Variants in SSX3 observed in about 807,000 individuals in gnomAD.
SSX3 encodes protein SSX3.
A neutral mutation model predicts 14.8 loss-of-function variants in SSX3; 6 were observed. That is an observed-to-expected ratio of 0.41 (90% CI 0.22 to 0.80). The LOEUF (loss-of-function observed/expected upper bound fraction) is 0.80. SSX3 is among the 30% of genes least tolerant of loss of function. SSX3 has a pLI of 0.34. For synonymous variants in SSX3, 55 were observed against 52.9 expected (o/e 1.04, Z -0.18); for missense variants, 163 against 152.2 (o/e 1.07, Z -0.37).
Position 48,346,830 on chromosome X carries a change from A to T in SSX3, c.*210T>A. ...CAGTGAAAATGTTAATATCTAACAGAATGACACACTTCAAGAAAATACAAT... is the reference window on the plus strand; with the variant it reads ...CAGTGAAAATGTTAATATCTAACAGTATGACACACTTCAAGAAAATACAAT... On this transcript the variant is annotated 3_prime_UTR_variant, in exon 8 of 8. Coordinates refer to ENST00000298396, the MANE Select transcript of SSX3 (RefSeq NM_021014.4). The T allele has an allele frequency of 7.6e-6, 5 of 657,676 alleles. No individual in the cohort carries two copies. The highest frequency in any genetic ancestry group is 1.2e-5 in the Non-Finnish European group (5 of 428,455). 54.2% of individuals were successfully genotyped at this position (657,676 alleles called of 1,213,427 possible).
At chrX:48,351,005 G>T (rs2061260455) in intron 5 of SSX3, among the ~76,000 whole-genome samples, 1 of 109,968 alleles carries the variant, frequency 9.1e-6, no homozygotes, top group Non-Finnish European at 1.9e-5. Flanking sequence ...TCCTGACCTT[G>T]TGATCTGCCC....
At chrX:48,350,708 C>A (rs1452010266) in intron 5 of SSX3, among the ~76,000 whole-genome samples, 2 of 110,762 alleles carry the variant, frequency 1.8e-5, no homozygotes, top group Non-Finnish European at 3.8e-5. Flanking sequence ...GAGGTGGTAC[C>A]CATACCAATT....
chrX:48,346,827 C>A lies in SSX3; in HGVS notation c.*213G>T. On this transcript the variant is annotated 3_prime_UTR_variant, in exon 8 of 8. Transcript: ENST00000298396. ...CATCAGTGAAAATGTTAATATCTAA[C>A]AGAATGACACACTTCAAGAAAATAC... 3.1e-6 allele frequency: 2 copies of A among 643,789 alleles called. No individual in the cohort carries two copies. The highest frequency in any genetic ancestry group is 2.4e-6 in the Non-Finnish European group (1 of 419,420). The allele number at this position is 643,789 out of a possible 1,213,427, so 53.1% of individuals were successfully genotyped here. A position where few individuals can be genotyped will look rare whatever the true frequency, so the allele number is the denominator to read the frequency against.
At chrX:48,350,154 A>T in intron 5 of SSX3, 32 bp from the exon 6 acceptor site, 2 of 1,208,750 alleles carry the variant, frequency 1.7e-6, no homozygotes, top group Non-Finnish European at 1.1e-6. Context: ...GATAAATAGT[A>T]TCAGTGACAT....
rs12688751 is a variant in SSX3, at chrX:48,347,396, T to C, written c.*4+104A>G. 143,405 of 1,119,049 alleles carry C rather than the reference T, an allele frequency of 0.13. 8,193 individuals are homozygous for C. Among genetic ancestry groups the C allele is most frequent in the East Asian group, 0.38 (12,683 of 33,213 alleles). 92.2% of individuals were successfully genotyped at this position (1,119,049 alleles called of 1,213,427 possible). A position where few individuals can be genotyped will look rare whatever the true frequency, so the allele number is the denominator to read the frequency against. ...CTCAATGCTGTACACTAGAAAATTA[T>C]AAGAAGGGAATGATTTGGGGAGCAA... On this transcript the variant is annotated intron_variant, in intron 7 of 7. Transcript: ENST00000298396.
intron 1 of SSX3, among the ~76,000 whole-genome samples, chrX:48,356,240 A>C (rs782573334): frequency 1.8e-5 from 2 of 111,709 alleles, no homozygotes; most frequent in East Asian, 5.6e-4. Flanking sequence ...TGAGCCCAGC[A>C]GGAAAGATTT....
chrX:48,351,770 C>T (rs1166700620), intron 5 of SSX3, among the ~76,000 whole-genome samples: 1 of 112,087 alleles, frequency 8.9e-6, no homozygotes, highest in Non-Finnish European at 1.9e-5. Flanking sequence ...AAGATTTGTG[C>T]CAAGTCATAT....
chrX:48,354,285 CAAA>C (rs370532904), intron 3 of SSX3, among the ~76,000 whole-genome samples, 191 bp from the exon 4 acceptor site: 1 of 40,033 alleles, frequency 2.5e-5, no homozygotes. Context: ...CTGACTCAAA[CAAA>C]AAAAAAAAAA....
At chrX:48,355,112 C>G (rs1246339609) in intron 2 of SSX3, 69 bp downstream of exon 2, 10 of 1,201,661 alleles carry the variant, frequency 8.3e-6, no homozygotes, top group Non-Finnish European at 1.1e-5. Flanking sequence ...CTGTCCTCCC[C>G]TCCTCAGAAA....
chrX:48,348,354 T>C (rs1478910907), intron 6 of SSX3: 13 of 515,862 alleles, frequency 2.5e-5, no homozygotes, highest in Non-Finnish European at 3.5e-5. Flanking sequence ...CCATAGAATA[T>C]GACAAACTTA....
intron 1 of SSX3, among the ~76,000 whole-genome samples, chrX:48,356,359 C>A (rs5906650): frequency 0.29 from 31,888 of 109,434 alleles, 3,534 homozygotes; most frequent in Middle Eastern, 0.4. Context: ...GGCAATCCAC[C>A]AGCTGTGGCT....
intron 1 of SSX3, among the ~76,000 whole-genome samples, chrX:48,356,365 T>C (rs1461333819): frequency 2.7e-5 from 3 of 110,627 alleles, no homozygotes; most frequent in Non-Finnish European, 5.7e-5. Context: ...CCACCAGCTG[T>C]GGCTTCCAAA....
In SSX3 at chrX:48,353,988, C is replaced by A. The variant is rs1556950412; in HGVS notation, c.280+11G>T. 8.3e-7 allele frequency: 1 copy of A among 1,203,045 alleles called. No homozygotes were observed. Among genetic ancestry groups the A allele is most frequent in the South Asian group, 1.8e-5 (1 of 56,771 alleles). On this transcript the variant is annotated intron_variant, in intron 4 of 7. Transcript: ENST00000298396. ...GAGGAGACCCTTTCCAGCCCCTTCC[C>A]ATCTACTCACCCTGATTCCCACGGT... is the stretch of plus-strand genomic sequence containing the variant.
chrX:48,353,224 A>C (rs1364272655), intron 4 of SSX3, among the ~76,000 whole-genome samples: 1 of 110,683 alleles, frequency 9.0e-6, no homozygotes, highest in East Asian at 2.8e-4. Context: ...AAAAAGAAAT[A>C]TTTCAAACAC....
At chrX:48,354,491 A>G in intron 3 of SSX3, 141 bp downstream of exon 3, 2 of 683,896 alleles carry the variant, frequency 2.9e-6, no homozygotes, top group East Asian at 7.3e-5. Flanking sequence ...AGAAGAGCAG[A>G]ACACCCAGAA....
intron 6 of SSX3, 67 bp downstream of exon 6, chrX:48,349,920 C>T: frequency 8.3e-7 from 1 of 1,204,112 alleles, no homozygotes; most frequent in Non-Finnish European, 1.1e-6. Context: ...ATGCCACACA[C>T]CCAGTCCACA....
intron 1 of SSX3, 32 bp from the exon 2 acceptor site, chrX:48,355,301 C>G: frequency 8.5e-7 from 1 of 1,173,820 alleles, no homozygotes; most frequent in South Asian, 1.8e-5. Flanking sequence ...ACTTTCCAGC[C>G]GCAGGACCTT....
At chrX:48,355,102 C>T in intron 2 of SSX3, 79 bp downstream of exon 2, 1 of 1,202,598 alleles carries the variant, frequency 8.3e-7, no homozygotes, top group Non-Finnish European at 1.1e-6. Context: ...TCCAGTATCT[C>T]TGTCCTCCCC....
chrX:48,355,622 C>A (rs1317196811), intron 1 of SSX3, among the ~76,000 whole-genome samples: 1 of 110,757 alleles, frequency 9.0e-6, no homozygotes, highest in African/African-American at 3.3e-5. Context: ...TAATTTTATT[C>A]AGTGGGGCAT....
Sources: gnomAD v4.1 joint callset for allele counts (sites outside exome capture counted in the v4.1 genomes callset) on GRCh38, gnomAD v4.1.1 for gene constraint, MANE v1.5 for transcripts, NCBI Gene and HGNC (gene_info 2026-07-23, HGNC 2026-07-21) for gene names.